Variants in PLVAP observed in about 807,000 individuals in gnomAD.
PLVAP encodes plasmalemma vesicle-associated protein.
A neutral mutation model predicts 43.1 loss-of-function variants in PLVAP; 34 were observed. The observed-to-expected ratio is 0.79, with a 90% CI of 0.60 to 1.05. The LOEUF (loss-of-function observed/expected upper bound fraction) is 1.05. Ranked by LOEUF, PLVAP falls within the 50% of genes least tolerant of loss-of-function variation. PLVAP has a pLI of 0.00. For missense variants in PLVAP, 574 were observed against 593.4 expected (o/e 0.97, Z 0.34); for synonymous variants, 241 against 237.3 (o/e 1.02, Z -0.14).
intron 5 of PLVAP, among the ~76,000 whole-genome samples, chr19:17,356,267 G>A (rs564032075): frequency 4.5e-4 from 69 of 152,210 alleles, no homozygotes; most frequent in African/African-American, 1.6e-3. Flanking sequence ...CAGAGATTGC[G>A]CCACTGCACT....
At chr19:17,363,892 G>A (rs536871496) in intron 3 of PLVAP, among the ~76,000 whole-genome samples, 64 of 151,696 alleles carry the variant, frequency 4.2e-4, no homozygotes, top group African/African-American at 1.4e-3. Flanking sequence ...ACAGGCGCCC[G>A]CCACCACACC....
At chr19:17,367,300 G>A (rs1225654225) in intron 1 of PLVAP, among the ~76,000 whole-genome samples, 5 of 151,770 alleles carry the variant, frequency 3.3e-5, no homozygotes, top group Admixed American at 6.6e-5. Flanking sequence ...CTGCAGACTC[G>A]AACTCCTGGG....
chr19:17,370,770 A>G (rs2074569008), intron 1 of PLVAP, among the ~76,000 whole-genome samples: 4 of 152,122 alleles, frequency 2.6e-5, no homozygotes, highest in South Asian at 4.1e-4. Context: ...AAAAATCATC[A>G]AATTGGCTGG....
chr19:17,371,248 A>G (rs540704108), intron 1 of PLVAP, among the ~76,000 whole-genome samples: 4 of 148,480 alleles, frequency 2.7e-5, no homozygotes, highest in South Asian at 2.2e-4. Flanking sequence ...TGCAACCTCT[A>G]CTTCCTGGGT....
chr19:17,360,815 T>G lies in PLVAP; in HGVS notation c.1197A>C (p.Pro399=), dbSNP rs1599573324. The change falls in exon 4 of 6, where the codon CCA becomes CCC. Residue 399 remains proline (P), a synonymous_variant. Coordinates refer to ENST00000252590, the MANE Select transcript of PLVAP (RefSeq NM_031310.3). ...GGACAGGGCCCATGGGCCTTGACACTGGCATCATCGGCTGCGACTGTGAAA... is the reference window on the plus strand; with the variant it reads ...GGACAGGGCCCATGGGCCTTGACACGGGCATCATCGGCTGCGACTGTGAAA... ...CIKTKSQPMM[P]VSRPMGPVPN... 1.2e-6 allele frequency: 2 copies of G among 1,613,576 alleles called. No individual in the cohort carries two copies. The highest frequency in any genetic ancestry group is 1.3e-5 in the African/African-American group (1 of 74,840).
chr19:17,374,150 G>A (rs1414584301), intron 1 of PLVAP, among the ~76,000 whole-genome samples: 1 of 151,848 alleles, frequency 6.6e-6, no homozygotes, highest in Non-Finnish European at 1.5e-5. Context: ...AACAGAGGGA[G>A]ACCCTGTCTC....
At chr19:17,363,457 G>A (rs950928448) in intron 3 of PLVAP, among the ~76,000 whole-genome samples, 17 of 151,686 alleles carry the variant, frequency 1.1e-4, no homozygotes, top group South Asian at 1.0e-3. Context: ...GTGGGCCACC[G>A]CGCCTGGTCG....
At chr19:17,353,823 T>C (rs898140101) in intron 5 of PLVAP, among the ~76,000 whole-genome samples, 3 of 152,206 alleles carry the variant, frequency 2.0e-5, no homozygotes, top group African/African-American at 7.2e-5. Flanking sequence ...GTGAGCCCCA[T>C]GAGGGCAGCG....
Position 17,366,110 on chromosome 19 carries a change from T to C in PLVAP, c.455A>G (p.Lys152Arg), listed in dbSNP as rs1176960389. Reference sequence around the variant, plus strand: ...GCCTTAGCACTCACCATCGCAGCTCTTGTTCATGTCCTTGAATTGATCTCT... The same window carrying C: ...GCCTTAGCACTCACCATCGCAGCTCCTGTTCATGTCCTTGAATTGATCTCT... ...QCRDQFKDMN[K>R]SCDALLFMLN... Residue 152 changes from lysine to arginine, a missense_variant, in exon 2 of 6, where the codon AAG (lysine) becomes AGG (arginine). Transcript: ENST00000252590. 1.2e-6 allele frequency: 2 copies of C among 1,614,144 alleles called. No homozygotes were observed. The highest frequency in any genetic ancestry group is 1.7e-5 in the Admixed American group (1 of 60,004).
chr19:17,374,395 G>T (rs1242361843), intron 1 of PLVAP, among the ~76,000 whole-genome samples: 2 of 152,024 alleles, frequency 1.3e-5, no homozygotes, highest in Non-Finnish European at 2.9e-5. Context: ...AACGCAGAAG[G>T]TGGGGCTTGC....
intron 1 of PLVAP, 74 bp from the exon 2 acceptor site, chr19:17,366,269 G>A (rs972428483): frequency 2.3e-5 from 33 of 1,447,914 alleles, no homozygotes; most frequent in East Asian, 1.6e-4. Context: ...GACCCAGATC[G>A]AGCACCCTGG....
chr19:17,372,633 T>C lies in PLVAP; in HGVS notation c.369+4287A>G, dbSNP rs2074577247. 4.0e-5 allele frequency among the ~76,000 whole-genome samples: 6 copies of C among 149,726 alleles called. No individual in the cohort carries two copies. The South Asian group carries it at 1.3e-3, about 32-fold the overall frequency. ...CACCACACCTGGCTAATTTTTCGTA[T>C]TTTTAGTAGAGACGGGGTTTCACTG... On this transcript the variant is annotated intron_variant, in intron 1 of 5. Coordinates refer to ENST00000252590, the MANE Select transcript of PLVAP (RefSeq NM_031310.3).
In PLVAP at chr19:17,366,009, CAG is replaced by C; in HGVS notation, c.467-13_467-12del. 2 of 1,611,850 alleles carry C rather than the reference CAG, an allele frequency of 1.2e-6. No individual in the cohort carries two copies. Among genetic ancestry groups the C allele is most frequent in the Non-Finnish European group, 1.7e-6 (2 of 1,178,310 alleles). On this transcript the variant is annotated splice_polypyrimidine_tract_variant and intron_variant, in intron 2 of 5. Coordinates refer to ENST00000252590, the MANE Select transcript of PLVAP (RefSeq NM_031310.3). ...GCATGAAGAGCAAGGCTAAGGAAAACAGGACCAGGAGACCCAGGAAGATTGGG... is the reference window on the plus strand; with the variant it reads ...GCATGAAGAGCAAGGCTAAGGAAAACGACCAGGAGACCCAGGAAGATTGGG...
At chr19:17,373,461 C>T (rs984397406) in intron 1 of PLVAP, among the ~76,000 whole-genome samples, 20 of 152,006 alleles carry the variant, frequency 1.3e-4, no homozygotes, top group African/African-American at 4.6e-4. Flanking sequence ...CTGCCCAGTG[C>T]GGACGGCTGG....
chr19:17,360,102 C>T (rs1374746425), intron 5 of PLVAP, among the ~76,000 whole-genome samples: 2 of 152,194 alleles, frequency 1.3e-5, no homozygotes, highest in Non-Finnish European at 2.9e-5. Context: ...CATGTCCCAG[C>T]TCTGCTGTGC....
rs181770634 is a variant in PLVAP at position 17,376,968 on chromosome 19, G to A, written c.321C>T (p.Arg107=). The change falls in exon 1 of 6, where the codon CGC becomes CGT. Residue 107 remains arginine (R), a synonymous_variant. Coordinates refer to ENST00000252590, the MANE Select transcript of PLVAP (RefSeq NM_031310.3). ...AGCTGGCATTGATGCGGTCCAGGTCGCGGCGAGCATTCAGCCACATCTGCA... is the reference window on the plus strand; with the variant it reads ...AGCTGGCATTGATGCGGTCCAGGTCACGGCGAGCATTCAGCCACATCTGCA... The part of the protein sequence containing the change: ...AIMQMWLNAR[R]DLDRINASFR... 115 of 1,614,104 alleles carry A rather than the reference G, an allele frequency of 7.1e-5. No homozygotes were observed. In the East Asian group the frequency reaches 1.6e-3, roughly 22 times the overall value.
chr19:17,376,076 G>C (rs2074594158), intron 1 of PLVAP, among the ~76,000 whole-genome samples: 2 of 152,076 alleles, frequency 1.3e-5, no homozygotes, highest in South Asian at 2.1e-4. Flanking sequence ...TACTCAAAAG[G>C]CTGAGGCAGG....
chr19:17,356,076 A>G (rs2074505462), intron 5 of PLVAP, among the ~76,000 whole-genome samples: 1 of 152,110 alleles, frequency 6.6e-6, no homozygotes, highest in African/African-American at 2.4e-5. Context: ...TGGGAGGCCA[A>G]GGCGGGCGGA....
Position 17,352,205 on chromosome 19 carries a change from G to A in PLVAP, c.*157C>T. On this transcript the variant is annotated 3_prime_UTR_variant, in exon 6 of 6. Transcript: ENST00000252590. ...GTGAGGCGCGGGTGCGGGTGTGAGA[G>A]GGTACTAGGGGTTTGCATGCAGGGA... 5 of 986,470 alleles carry A rather than the reference G, an allele frequency of 5.1e-6. No homozygotes were observed. Among genetic ancestry groups the A allele is most frequent in the Non-Finnish European group, 7.6e-6 (5 of 659,812 alleles). 61.1% of individuals were successfully genotyped at this position (986,470 alleles called of 1,614,324 possible).
Sources: allele counts gnomAD v4.1 joint callset (sites outside exome capture counted in the v4.1 genomes callset), GRCh38; gene constraint gnomAD v4.1.1; transcripts MANE v1.5; gene names NCBI Gene and HGNC (gene_info 2026-07-23, HGNC 2026-07-21).